The following DSCAML1 variants were observed in gnomAD, a reference collection of about 807,000 sequenced individuals.
DSCAML1 encodes the protein cell adhesion molecule DSCAML1.
In DSCAML1, 38 loss-of-function variants were observed where a neutral mutation model predicts 200.5. That is an observed-to-expected ratio of 0.19 (90% CI 0.15 to 0.25). The LOEUF is 0.25. Among genes scored for constraint, DSCAML1 ranks in the 10% least tolerant of loss-of-function variants. The pLI is 1.00. For missense variants in DSCAML1, 2,223 were observed against 2,858.8 expected (o/e 0.78, Z 5.07); for synonymous variants, 1,215 against 1,165.0 (o/e 1.04, Z -0.87).
At chr11:117,515,610 CTTTTTTTTTT>C (rs56765238) in intron 8 of DSCAML1, among the ~76,000 whole-genome samples, 22 of 65,124 alleles carry the variant, frequency 3.4e-4, no homozygotes, top group African/African-American at 1.5e-3. Context: ...AGGGACGAAG[CTTTTTTTTTT>C]TTTTTTTTTT....
intron 3 of DSCAML1, among the ~76,000 whole-genome samples, chr11:117,594,395 G>A (rs905148822): frequency 7.2e-5 from 11 of 152,210 alleles, no homozygotes; most frequent in Non-Finnish European, 1.5e-4. Flanking sequence ...CCCCTCTTGC[G>A]TTTTCAAACA....
intron 3 of DSCAML1, among the ~76,000 whole-genome samples, chr11:117,717,813 G>A (rs1015683757): frequency 2.6e-5 from 4 of 152,158 alleles, no homozygotes; most frequent in African/African-American, 9.7e-5. Context: ...CAGCCCCTTT[G>A]AAATGCCCCC....
At chr11:117,661,016 C>T (rs10892151) in intron 3 of DSCAML1, among the ~76,000 whole-genome samples, 14,187 of 152,230 alleles carry the variant, frequency 0.093, 1,420 homozygotes, top group African/African-American at 0.25. Context: ...CATTATTGGT[C>T]ACTTCCTAGC....
chr11:117,743,708 A>G (rs1423369716), intron 3 of DSCAML1, among the ~76,000 whole-genome samples: 1 of 152,182 alleles, frequency 6.6e-6, no homozygotes, highest in Non-Finnish European at 1.5e-5. Flanking sequence ...TCTCTCATTT[A>G]ATTTAGAGCT....
chr11:117,726,538 C>A (rs930348018), intron 3 of DSCAML1, among the ~76,000 whole-genome samples: 6 of 152,112 alleles, frequency 3.9e-5, no homozygotes, highest in African/African-American at 1.4e-4. Flanking sequence ...GGAAAGGCTG[C>A]CCTACCCCAG....
At chr11:117,692,121 G>A (rs984945379) in intron 3 of DSCAML1, among the ~76,000 whole-genome samples, 1 of 152,108 alleles carries the variant, frequency 6.6e-6, no homozygotes, top group African/African-American at 2.4e-5. Flanking sequence ...CAGAGGTGAT[G>A]CAAGGTGTCC....
chr11:117,561,856 C>T (rs567377659), intron 3 of DSCAML1, among the ~76,000 whole-genome samples: 10 of 152,360 alleles, frequency 6.6e-5, no homozygotes, highest in Admixed American at 2.0e-4. Context: ...CAGAGTACAG[C>T]GTCAGGTCTG....
intron 3 of DSCAML1, among the ~76,000 whole-genome samples, chr11:117,596,507 T>C (rs1729686790): frequency 6.6e-6 from 1 of 152,044 alleles, no homozygotes; most frequent in African/African-American, 2.4e-5. Flanking sequence ...CATATTTCTA[T>C]GTTTGGGTGA....
intron 3 of DSCAML1, among the ~76,000 whole-genome samples, chr11:117,765,748 T>C (rs1174026396): frequency 1.3e-5 from 2 of 152,192 alleles, no homozygotes; most frequent in Non-Finnish European, 1.5e-5. Flanking sequence ...TTTTGAATCC[T>C]CACAACTGAA....
chr11:117,467,092 A>G (rs2048593821), intron 16 of DSCAML1, among the ~76,000 whole-genome samples: 1 of 147,858 alleles, frequency 6.8e-6, no homozygotes, highest in South Asian at 2.2e-4. Context: ...GCGAATGGAG[A>G]AACTCCACTG....
At chr11:117,790,778 C>A (rs918105779) in intron 1 of DSCAML1, among the ~76,000 whole-genome samples, 1 of 152,206 alleles carries the variant, frequency 6.6e-6, no homozygotes, top group Non-Finnish European at 1.5e-5. Flanking sequence ...GAAATAAAGG[C>A]ACATGAACCA....
chr11:117,604,717 T>C (rs1463505219), intron 3 of DSCAML1, among the ~76,000 whole-genome samples: 1 of 152,212 alleles, frequency 6.6e-6, no homozygotes, highest in Non-Finnish European at 1.5e-5. Flanking sequence ...CTGTGAGGGC[T>C]CCAGTGGCAG....
At chr11:117,587,365 C>T (rs910247291) in intron 3 of DSCAML1, among the ~76,000 whole-genome samples, 11 of 151,820 alleles carry the variant, frequency 7.2e-5, no homozygotes, top group East Asian at 1.9e-4. Flanking sequence ...AGGTGGCAGC[C>T]GCAGGGCTCG....
chr11:117,599,396 C>T (rs1287848758), intron 3 of DSCAML1, among the ~76,000 whole-genome samples: 1 of 152,178 alleles, frequency 6.6e-6, no homozygotes, highest in Non-Finnish European at 1.5e-5. Flanking sequence ...CTCCTTATTA[C>T]TCATTCTCAT....
chr11:117,681,216 A>G (rs1361287592), intron 3 of DSCAML1, among the ~76,000 whole-genome samples: 2 of 152,200 alleles, frequency 1.3e-5, no homozygotes, highest in East Asian at 3.9e-4. Flanking sequence ...GTAGGGTCCA[A>G]CAAGGCTTTT....
At position 117,545,234 on chromosome 11, in the gene DSCAML1, AAC is replaced by A. The variant is rs758060622; in HGVS notation, c.512-12714_512-12713del. Among the ~76,000 whole-genome samples the A allele has an allele frequency of 3.9e-3, 560 of 143,302 alleles. 4 individuals are homozygous for A. Among genetic ancestry groups the A allele is most frequent in the East Asian group, 7.9e-3 (40 of 5,050 alleles). The allele number at this position is 143,302 out of a possible 152,430, so 94.0% of individuals were successfully genotyped here. Reference sequence around the variant, plus strand: ...GACAGAGCAAGATTCCGTAAAAAAAAACACACACACACACACACACACACACA... The same window carrying A: ...GACAGAGCAAGATTCCGTAAAAAAAAACACACACACACACACACACACACA... On this transcript the variant is annotated intron_variant, in intron 3 of 32. Transcript: ENST00000651296.
intron 11 of DSCAML1, among the ~76,000 whole-genome samples, chr11:117,482,508 G>A (rs923000152): frequency 2.6e-5 from 4 of 152,128 alleles, no homozygotes; most frequent in East Asian, 1.9e-4. Context: ...CTTCGATATC[G>A]TATATCACCT....
intron 3 of DSCAML1, among the ~76,000 whole-genome samples, chr11:117,713,264 C>A (rs186312040): frequency 1.3e-5 from 2 of 152,156 alleles, no homozygotes; most frequent in African/African-American, 4.8e-5. Context: ...TACAGGCGCA[C>A]GCCACCACAC....
intron 3 of DSCAML1, among the ~76,000 whole-genome samples, chr11:117,556,857 G>A (rs1035844437): frequency 2.0e-5 from 3 of 152,202 alleles, no homozygotes; most frequent in African/African-American, 4.8e-5. Context: ...AAGCTTCACC[G>A]CCGACATGCC....
Sources: allele counts gnomAD v4.1 joint callset (sites outside exome capture counted in the v4.1 genomes callset), GRCh38; gene constraint gnomAD v4.1.1; transcripts MANE v1.5; gene names NCBI Gene and HGNC (gene_info 2026-07-23, HGNC 2026-07-21).